The following AP3S2 variants were observed in gnomAD, a reference collection of about 807,000 sequenced individuals.
AP3S2 encodes the protein AP-3 complex subunit sigma-2.
A neutral mutation model predicts 23.4 loss-of-function variants in AP3S2; 22 were observed. That is an observed-to-expected ratio of 0.94 (90% CI 0.67 to 1.34). The LOEUF (loss-of-function observed/expected upper bound fraction) is 1.34. AP3S2 is among the 40% of genes most tolerant of loss of function. The probability of loss-of-function intolerance (pLI) is 0.00; values close to 1 mark genes in which losing one functional copy is unlikely to be tolerated. For synonymous variants in AP3S2, 86 were observed against 87.1 expected, an observed-to-expected ratio of 0.99 and a Z score of 0.07; for missense variants, 241 against 236.9, an observed-to-expected ratio of 1.02 and a Z score of -0.11.
intron 4 of AP3S2, chr15:89,865,597 C>T (rs1337380954): frequency 6.6e-6 from 1 of 152,272 alleles, no homozygotes; most frequent in Non-Finnish European, 1.5e-5. Flanking sequence ...CCTCAGACTT[C>T]TTTTGCCAGT....
At chr15:89,875,018 T>C (rs972182629) in intron 3 of AP3S2, among the ~76,000 whole-genome samples, 3 of 152,160 alleles carry the variant, frequency 2.0e-5, no homozygotes, top group Non-Finnish European at 4.4e-5. Flanking sequence ...CTAACAGATA[T>C]TAATGAGCTA....
intron 4 of AP3S2, chr15:89,850,626 A>G (rs985143437): frequency 7.2e-5 from 11 of 153,812 alleles, no homozygotes; most frequent in African/African-American, 2.7e-4. Context: ...ACAAATGGAT[A>G]GAGTTGAACA....
chr15:89,871,555 CAAG>C lies in AP3S2; in HGVS notation c.274-12_274-10del, dbSNP rs766629729. The C allele has an allele frequency of 6.2e-6, 10 of 1,612,112 alleles. No individual in the cohort carries two copies. The Admixed American group carries it at 1.2e-4, about 19-fold the overall frequency. On this transcript the variant is annotated splice_polypyrimidine_tract_variant and intron_variant, in intron 3 of 5. Transcript: ENST00000336418. ...AGAGTTTCCACAAAAACCTAGAAAA[CAAG>C]GAGAAATAGATAAAGAAGAGAAATA...
At chr15:89,856,872 T>TAAAA (rs146502390) in intron 4 of AP3S2, among the ~76,000 whole-genome samples, 1 of 120,622 alleles carries the variant, frequency 8.3e-6, no homozygotes, top group Non-Finnish European at 1.7e-5. Context: ...GACTCTGTCT[T>TAAAA]AAAAAAAAAA....
chr15:89,886,121 C>T (rs757589961), intron 3 of AP3S2, among the ~76,000 whole-genome samples: 1 of 151,904 alleles, frequency 6.6e-6, no homozygotes, highest in African/African-American at 2.4e-5. Context: ...GAGGCCGAGG[C>T]GGGCGGATCA....
chr15:89,837,582 C>A (rs772403206), intron 5 of AP3S2, 33 bp downstream of exon 5: 1 of 1,613,492 alleles, frequency 6.2e-7, no homozygotes, highest in Non-Finnish European at 8.5e-7. Flanking sequence ...TTTTCTCTAC[C>A]CAGCCAGGGC....
intron 3 of AP3S2, 22 bp downstream of exon 3, chr15:89,888,499 A>G (rs1041265835): frequency 6.8e-6 from 11 of 1,611,078 alleles, no homozygotes; most frequent in Non-Finnish European, 9.3e-6. Flanking sequence ...AGCTGCTGCC[A>G]TCATTAGCTG....
intron 3 of AP3S2, among the ~76,000 whole-genome samples, chr15:89,881,926 T>G (rs1896578099): frequency 6.6e-6 from 1 of 151,916 alleles, no homozygotes; most frequent in African/African-American, 2.4e-5. Flanking sequence ...GTTCAAGCAA[T>G]TCTCCTGCCT....
intron 4 of AP3S2, among the ~76,000 whole-genome samples, chr15:89,867,991 G>A (rs1183346743): frequency 6.8e-6 from 1 of 146,122 alleles, no homozygotes; most frequent in Non-Finnish European, 1.5e-5. Flanking sequence ...GGGAGGTGGG[G>A]GGGTCAGCCC....
intron 4 of AP3S2, among the ~76,000 whole-genome samples, chr15:89,869,567 T>TAA (rs527600193): frequency 0.013 from 1,608 of 123,348 alleles, 44 homozygotes; most frequent in African/African-American, 0.041. Flanking sequence ...GAATTATCAA[T>TAA]AAAAAAAAAA....
chr15:89,871,246 C>A (rs997043862), intron 4 of AP3S2, among the ~76,000 whole-genome samples: 1 of 152,196 alleles, frequency 6.6e-6, no homozygotes, highest in African/African-American at 2.4e-5. Flanking sequence ...AGATGAACCA[C>A]GATATAGGCC....
chr15:89,868,276 G>A (rs1596208222), intron 4 of AP3S2, among the ~76,000 whole-genome samples: 1 of 62,280 alleles, frequency 1.6e-5, no homozygotes, highest in Non-Finnish European at 3.5e-5. Flanking sequence ...GCCTCTGCCC[G>A]GCCGCCCCTA....
At chr15:89,875,556 G>C (rs1359882631) in intron 3 of AP3S2, among the ~76,000 whole-genome samples, 1 of 152,050 alleles carries the variant, frequency 6.6e-6, no homozygotes, top group East Asian at 1.9e-4. Context: ...GATGAGGCAA[G>C]AAGACAGGAA....
chr15:89,871,533 G>C lies in AP3S2; in HGVS notation c.287C>G (p.Thr96Ser). Residue 96 changes from threonine to serine, a missense_variant, in exon 4 of 6, where the codon ACT becomes AGT. Coordinates refer to ENST00000336418, the MANE Select transcript of AP3S2 (RefSeq NM_005829.5). ...ILDLIQVFVE[T>S]LDKCFENVCE... is the part of the protein sequence containing the mutation. ...CACATTTTCGAAACACTTATCCAGA[G>C]TTTCCACAAAAACCTAGAAAACAAG... 1 of 1,613,400 alleles carries C rather than the reference G, an allele frequency of 6.2e-7. No individual in the cohort carries two copies. Among genetic ancestry groups the C allele is most frequent in the South Asian group, 1.1e-5 (1 of 90,966 alleles).
intron 4 of AP3S2, 50 bp downstream of exon 4, chr15:89,871,425 C>G (rs1303619166): frequency 6.4e-7 from 1 of 1,569,986 alleles, no homozygotes; most frequent in East Asian, 2.3e-5. Context: ...GCCCAAGGCT[C>G]TTGGTTTTCT....
intron 4 of AP3S2, among the ~76,000 whole-genome samples, chr15:89,855,708 G>C (rs1428462744): frequency 7.1e-6 from 1 of 141,658 alleles, no homozygotes; most frequent in Non-Finnish European, 1.5e-5. Flanking sequence ...AAATTAGCTG[G>C]GCGTGGTGGT....
rs775322613 is a variant in AP3S2 at position 89,855,755 on chromosome 15, CAGG to C, written c.345+15717_345+15719del. ...ATCCCAGCTACTTGGGAGGCTGAGGCAGGAGAATTGCTTGAACCCAGGAGGCAG... is the reference window on the plus strand; with the variant it reads ...ATCCCAGCTACTTGGGAGGCTGAGGCAGAATTGCTTGAACCCAGGAGGCAG... On this transcript the variant is annotated intron_variant, in intron 4 of 5. Coordinates refer to ENST00000336418, the MANE Select transcript of AP3S2 (RefSeq NM_005829.5). Among the ~76,000 whole-genome samples the C allele has an allele frequency of 3.2e-4, 45 of 141,604 alleles. No individual in the cohort carries two copies. The East Asian group carries it at 8.9e-3, about 28-fold the overall frequency. 92.9% of individuals were successfully genotyped at this position (141,604 alleles called of 152,430 possible).
chr15:89,835,283 C>T lies in AP3S2; in HGVS notation c.*232G>A. ...GCAGGGCCCCTCACATCTGCAGTGG[C>T]CGTATGCATCAGAGAACGGCATGAC... On this transcript the variant is annotated 3_prime_UTR_variant, in exon 6 of 6. Transcript: ENST00000336418. The T allele has an allele frequency of 1.6e-6, 1 of 636,366 alleles. No homozygotes were observed. The allele number at this position is 636,366 out of a possible 1,614,324, so 39.4% of individuals were successfully genotyped here. A position where few individuals can be genotyped will look rare whatever the true frequency, so the allele number is the denominator to read the frequency against.
At chr15:89,858,543 AAG>A (rs1436277067) in intron 4 of AP3S2, among the ~76,000 whole-genome samples, 1 of 146,852 alleles carries the variant, frequency 6.8e-6, no homozygotes, top group African/African-American at 2.6e-5. Flanking sequence ...GAAAGAAAGA[AAG>A]AAAGAAAGAA....
Sources: gnomAD v4.1 joint callset for allele counts (sites outside exome capture counted in the v4.1 genomes callset) on GRCh38, gnomAD v4.1.1 for gene constraint, MANE v1.5 for transcripts, NCBI Gene and HGNC (gene_info 2026-07-23, HGNC 2026-07-21) for gene names.